The following GALNT13 variants were observed in gnomAD, a reference collection of about 807,000 sequenced individuals.
The protein encoded by GALNT13 is UDP-GalNAc:polypeptide N-acetylgalactosaminyltransferase 13.
GALNT13 carries 28 observed loss-of-function variants against 64.2 expected under a neutral mutation model. That is an observed-to-expected ratio of 0.44 (90% CI 0.32 to 0.60). The LOEUF is 0.60. GALNT13 is among the 20% of genes least tolerant of loss of function. The pLI is 0.05. For synonymous variants in GALNT13, 214 were observed against 224.6 expected (o/e 0.95, Z 0.42); for missense variants, 577 against 669.8 (o/e 0.86, Z 1.53).
the GALNT13 span, among the ~76,000 whole-genome samples, chr2:153,658,003 C>A: frequency 2.0e-5 from 3 of 152,050 alleles, no homozygotes; most frequent in African/African-American, 7.2e-5. Context: ...TTTTAAAGAA[C>A]GTGTTTGTAG....
At chr2:153,851,941 C>T in the GALNT13 span, among the ~76,000 whole-genome samples, 1 of 151,990 alleles carries the variant, frequency 6.6e-6, no homozygotes, top group Middle Eastern at 3.2e-3. Flanking sequence ...CTTTTGTAAG[C>T]TGTATACCAT....
chr2:153,741,948 G>A, the GALNT13 span, among the ~76,000 whole-genome samples: 1 of 151,976 alleles, frequency 6.6e-6, no homozygotes. Context: ...AATTAATATA[G>A]CCATCATTTC....
At chr2:154,139,216 T>C (rs933750871) in intron 3 of GALNT13, among the ~76,000 whole-genome samples, 11 of 152,236 alleles carry the variant, frequency 7.2e-5, no homozygotes, top group African/African-American at 1.7e-4. Flanking sequence ...GTGGCTATGA[T>C]GGTTGGCTCA....
At chr2:153,655,019 G>A in the GALNT13 span, among the ~76,000 whole-genome samples, 3 of 152,018 alleles carry the variant, frequency 2.0e-5, no homozygotes, top group Non-Finnish European at 4.4e-5. Context: ...TTTCTTAAAT[G>A]AATAAACACA....
At chr2:153,851,946 T>C in the GALNT13 span, among the ~76,000 whole-genome samples, 1 of 152,146 alleles carries the variant, frequency 6.6e-6, no homozygotes, top group Non-Finnish European at 1.5e-5. Context: ...GTAAGCTGTA[T>C]ACCATATGTG....
At chr2:153,447,227 A>T in the GALNT13 span, among the ~76,000 whole-genome samples, 3 of 152,182 alleles carry the variant, frequency 2.0e-5, no homozygotes, top group Admixed American at 6.5e-5. Flanking sequence ...CTCAACAAAT[A>T]TTGTAATAAT....
chr2:153,669,095 G>A, the GALNT13 span, among the ~76,000 whole-genome samples: 3 of 152,100 alleles, frequency 2.0e-5, no homozygotes, highest in Non-Finnish European at 2.9e-5. Context: ...TCTCCTGGGG[G>A]CCTGCATTCT....
intron 3 of GALNT13, among the ~76,000 whole-genome samples, chr2:153,981,969 G>A (rs1048296799): frequency 1.3e-5 from 2 of 151,940 alleles, no homozygotes; most frequent in African/African-American, 2.4e-5. Flanking sequence ...GCATTAGTGA[G>A]TAGTCTTGTC....
At chr2:153,365,679 C>T in the GALNT13 span, among the ~76,000 whole-genome samples, 1 of 152,238 alleles carries the variant, frequency 6.6e-6, no homozygotes, top group East Asian at 1.9e-4. Context: ...AAATGCAAAT[C>T]AAAACCACAA....
At chr2:154,025,537 C>A (rs1369221394) in intron 3 of GALNT13, among the ~76,000 whole-genome samples, 1 of 66,564 alleles carries the variant, frequency 1.5e-5, no homozygotes. Context: ...AATGAAGTTT[C>A]GAAGGCATGG....
At chr2:153,100,357 C>G in the GALNT13 span, among the ~76,000 whole-genome samples, 86 of 152,346 alleles carry the variant, frequency 5.6e-4, no homozygotes, top group African/African-American at 1.9e-3. Context: ...GCATTCCTTT[C>G]TTATCAGCAC....
intron 4 of GALNT13, among the ~76,000 whole-genome samples, chr2:154,144,602 TGC>T (rs1683456217): frequency 1.3e-5 from 2 of 152,180 alleles, no homozygotes; most frequent in Admixed American, 6.5e-5. Flanking sequence ...CATATTTTAC[TGC>T]GTTATACCTT....
chr2:154,019,969 G>T (rs1319030267), intron 3 of GALNT13, among the ~76,000 whole-genome samples: 1 of 150,926 alleles, frequency 6.6e-6, no homozygotes, highest in East Asian at 2.0e-4. Context: ...TTTTGTCCTT[G>T]CAATAGTTTG....
chr2:154,341,664 T>C (rs1280010128), intron 9 of GALNT13, among the ~76,000 whole-genome samples: 2 of 151,992 alleles, frequency 1.3e-5, no homozygotes, highest in Non-Finnish European at 2.9e-5. Context: ...ACATAGGGCT[T>C]TGTAGGACAC....
chr2:153,983,117 T>TATAAC (rs1431404097), intron 3 of GALNT13, among the ~76,000 whole-genome samples: 1 of 151,956 alleles, frequency 6.6e-6, no homozygotes. Flanking sequence ...TAATTCTGTC[T>TATAAC]TGCATAGAGT....
At chr2:153,866,186 A>G in the GALNT13 span, among the ~76,000 whole-genome samples, 1 of 123,354 alleles carries the variant, frequency 8.1e-6, no homozygotes, top group Non-Finnish European at 1.7e-5. Flanking sequence ...GGGGAGGGAT[A>G]GCATTGGGAG....
chr2:153,205,032 G>A, the GALNT13 span, among the ~76,000 whole-genome samples: 1 of 152,136 alleles, frequency 6.6e-6, no homozygotes, highest in African/African-American at 2.4e-5. Flanking sequence ...CTTTGCTTCA[G>A]ATTTTTTGTG....
At chr2:153,244,223 A>G in the GALNT13 span, among the ~76,000 whole-genome samples, 1 of 152,050 alleles carries the variant, frequency 6.6e-6, no homozygotes, top group Non-Finnish European at 1.5e-5. Flanking sequence ...CTTTTCTATC[A>G]TTTTGGAGTT....
At chr2:153,428,632 A>C in the GALNT13 span, among the ~76,000 whole-genome samples, 1 of 152,168 alleles carries the variant, frequency 6.6e-6, no homozygotes, top group Non-Finnish European at 1.5e-5. Flanking sequence ...AAAAAATTGA[A>C]CTGGACATAA....
Sources: allele counts gnomAD v4.1 joint callset (sites outside exome capture counted in the v4.1 genomes callset), GRCh38; gene constraint gnomAD v4.1.1; transcripts MANE v1.5; gene names NCBI Gene and HGNC (gene_info 2026-07-23, HGNC 2026-07-21).